ST7L: variants seen among roughly 807,000 people sequenced by gnomAD.
ST7L encodes suppressor of tumorigenicity 7 protein-like.
In ST7L, 57 loss-of-function variants were observed where a neutral mutation model predicts 72.5. The ratio of observed to expected loss-of-function variants is 0.79; its 90% CI spans 0.64 to 0.98. The LOEUF is 0.98. ST7L is among the 50% of genes least tolerant of loss of function. ST7L has a pLI of 0.00. For missense variants in ST7L, 576 were observed against 672.2 expected, an observed-to-expected ratio of 0.86 and a Z score of 1.58; for synonymous variants, 221 against 240.9, an observed-to-expected ratio of 0.92 and a Z score of 0.77.
chr1:112,599,318 C>T (rs1224088820), intron 4 of ST7L, among the ~76,000 whole-genome samples: 1 of 151,814 alleles, frequency 6.6e-6, no homozygotes, highest in Non-Finnish European at 1.5e-5. Context: ...TTTCACTTCA[C>T]AGAATGTCAC....
chr1:112,608,628 A>T (rs1330218136), intron 3 of ST7L, among the ~76,000 whole-genome samples: 1 of 152,162 alleles, frequency 6.6e-6, no homozygotes, highest in Non-Finnish European at 1.5e-5. Flanking sequence ...TGCTATTGTT[A>T]TAATTATTTA....
chr1:112,594,002 A>AT (rs1275730749), intron 5 of ST7L, among the ~76,000 whole-genome samples: 1 of 152,142 alleles, frequency 6.6e-6, no homozygotes, highest in Non-Finnish European at 1.5e-5. Flanking sequence ...CTGGGGTTAG[A>AT]CACACCTCTA....
At position 112,600,943 on chromosome 1, in the gene ST7L, T is replaced by TGCTA. The variant is rs977053298; in HGVS notation, c.452-99_452-96dup. ...TCTACCCACTGTAGGCTAATCACAG[T>TGCTA]GCTAGCCACAGATGGTACAAAGATG... On this transcript the variant is annotated intron_variant, in intron 3 of 14. Transcript: ENST00000358039. 4.9e-6 allele frequency: 5 copies of TGCTA among 1,018,898 alleles called. No individual in the cohort carries two copies. The African/African-American group carries it at 8.2e-5, about 17-fold the overall frequency. The allele number at this position is 1,018,898 out of a possible 1,614,324, so 63.1% of individuals were successfully genotyped here. A position where few individuals can be genotyped will look rare whatever the true frequency, so the allele number is the denominator to read the frequency against.
Position 112,601,683 on chromosome 1 carries a change from C to T in ST7L, c.452-835G>A, listed in dbSNP as rs559286155. On this transcript the variant is annotated intron_variant, in intron 3 of 14. Coordinates refer to ENST00000358039, the MANE Select transcript of ST7L (RefSeq NM_017744.5). Reference sequence around the variant, plus strand: ...AAATGAGAGTAAGCTTGCAAAATGACGAACATCTGCAGCAGAGGAAGTGTC... The same window carrying T: ...AAATGAGAGTAAGCTTGCAAAATGATGAACATCTGCAGCAGAGGAAGTGTC... 7.9e-5 allele frequency among the ~76,000 whole-genome samples: 12 copies of T among 152,038 alleles called. No individual in the cohort carries two copies. The South Asian group carries it at 1.0e-3, about 13-fold the overall frequency.
At chr1:112,553,233 A>AACACACACACACACACACACACACACAC (rs71584746) in intron 12 of ST7L, among the ~76,000 whole-genome samples, 17 of 149,382 alleles carry the variant, frequency 1.1e-4, no homozygotes, top group African/African-American at 4.0e-4. Flanking sequence ...CTTTTCTTTA[A>AACACACACACACACACACACACACACAC]ACACACACAC....
At chr1:112,581,686 G>A (rs949169592) in intron 9 of ST7L, among the ~76,000 whole-genome samples, 1 of 152,144 alleles carries the variant, frequency 6.6e-6, no homozygotes, top group Admixed American at 6.5e-5. Context: ...TGGGATTACA[G>A]GTGTGAGCCA....
chr1:112,535,587 C>T (rs1022795528), intron 14 of ST7L, among the ~76,000 whole-genome samples: 1 of 151,098 alleles, frequency 6.6e-6, no homozygotes, highest in Non-Finnish European at 1.5e-5. Flanking sequence ...TAAAAATTAG[C>T]CTAGCATGGA....
intron 11 of ST7L, among the ~76,000 whole-genome samples, chr1:112,575,766 T>G (rs571044971): frequency 6.6e-6 from 1 of 152,350 alleles, no homozygotes; most frequent in East Asian, 1.9e-4. Flanking sequence ...AACCATGGAA[T>G]GCAAAACCAT....
chr1:112,598,907 A>G (rs1036567447), intron 4 of ST7L, among the ~76,000 whole-genome samples: 12 of 150,332 alleles, frequency 8.0e-5, no homozygotes, highest in Admixed American at 4.6e-4. Context: ...TAAAAATACA[A>G]AAATTAGCCG....
Position 112,617,862 on chromosome 1 carries a change from T to G in ST7L, c.206-967A>C, listed in dbSNP as rs538652943. On this transcript the variant is annotated intron_variant, in intron 1 of 14. Coordinates refer to ENST00000358039, the MANE Select transcript of ST7L (RefSeq NM_017744.5). ...ACAAGTCAATCAGTAACACTGTGCATAGAAACCACCGTTAAGCACTTCATT... is the reference window on the plus strand; with the variant it reads ...ACAAGTCAATCAGTAACACTGTGCAGAGAAACCACCGTTAAGCACTTCATT... 1.8e-5 allele frequency: 9 copies of G among 511,798 alleles called. No homozygotes were observed. The Admixed American group carries it at 2.9e-4, about 16-fold the overall frequency. The allele number at this position is 511,798 out of a possible 1,614,324, so 31.7% of individuals were successfully genotyped here.
chr1:112,547,665 C>A (rs368534096), intron 13 of ST7L, among the ~76,000 whole-genome samples: 152 of 141,992 alleles, frequency 1.1e-3, no homozygotes, highest in African/African-American at 3.7e-3. Context: ...CAGGTTCAAG[C>A]GATTCTCCTG....
At chr1:112,549,985 G>C (rs1453528523) in intron 13 of ST7L, among the ~76,000 whole-genome samples, 1 of 152,082 alleles carries the variant, frequency 6.6e-6, no homozygotes, top group African/African-American at 2.4e-5. Flanking sequence ...AGTTTACTGA[G>C]ATTTTTTCTT....
In ST7L at chr1:112,610,878, C is replaced by T; in HGVS notation, c.414G>A (p.Arg138=). 1 of 1,614,116 alleles carries T rather than the reference C, an allele frequency of 6.2e-7. No individual in the cohort carries two copies. The highest frequency in any genetic ancestry group is 8.5e-7 in the Non-Finnish European group (1 of 1,180,004). ...SSISEPGSPS[R]NRENETSRQN... Reference sequence around the variant, plus strand: ...GTCTGCTGGTTTCATTTTCTCTGTTCCTCGAAGGAGAACCTGGTTCTGAAA... The same window carrying T: ...GTCTGCTGGTTTCATTTTCTCTGTTTCTCGAAGGAGAACCTGGTTCTGAAA... The change falls in exon 3 of 15, where the codon AGG becomes AGA. Residue 138 remains arginine (R), a synonymous_variant. Transcript: ENST00000358039.
chr1:112,589,317 G>A (rs1266673671), intron 6 of ST7L, among the ~76,000 whole-genome samples: 1 of 152,008 alleles, frequency 6.6e-6, no homozygotes, highest in Non-Finnish European at 1.5e-5. Context: ...TCAAACTCCT[G>A]AGCTCAAGTG....
intron 9 of ST7L, 55 bp from the exon 10 acceptor site, chr1:112,578,472 T>A: frequency 6.7e-7 from 1 of 1,488,270 alleles, no homozygotes; most frequent in Non-Finnish European, 9.4e-7. Flanking sequence ...ATTGAGACAA[T>A]TTTTTAATAA....
intron 11 of ST7L, among the ~76,000 whole-genome samples, chr1:112,557,429 T>G (rs150552222): frequency 1.3e-5 from 2 of 152,246 alleles, no homozygotes; most frequent in Non-Finnish European, 2.9e-5. Flanking sequence ...CCTCATTTCT[T>G]CTTATGGCTG....
rs546633429 is a variant in ST7L, at chr1:112,574,442, A to G, written c.1245+2544T>C. Among the ~76,000 whole-genome samples the G allele has an allele frequency of 1.1e-3, 169 of 151,830 alleles. 1 individual carries two copies. The highest frequency in any genetic ancestry group is 3.1e-3 in the African/African-American group (127 of 41,438). On this transcript the variant is annotated intron_variant, in intron 11 of 14. Transcript: ENST00000358039. ...TGGGAGGCCAAGGCGGGCGGATCAC[A>G]AGGTCAGGAGATCGAGACCATCCTG...
rs1329987081 is a variant in ST7L at position 112,524,272 on chromosome 1, T to C, written c.*1741A>G. 6.6e-6 allele frequency: 1 copy of C among 152,576 alleles called. No individual in the cohort carries two copies. Among genetic ancestry groups the C allele is most frequent in the Non-Finnish European group, 1.5e-5 (1 of 68,034 alleles). 9.5% of individuals were successfully genotyped at this position (152,576 alleles called of 1,614,324 possible). ...TTAGGATTTTTTTTTCCTCAGTCTT[T>C]CTGAGGTTTTTATTTAAATGCACTC... is the stretch of plus-strand genomic sequence containing the variant. On this transcript the variant is annotated 3_prime_UTR_variant, in exon 15 of 15. Coordinates refer to ENST00000358039, the MANE Select transcript of ST7L (RefSeq NM_017744.5).
downstream of ST7L, among the ~76,000 whole-genome samples, chr1:112,519,806 TCA>T (rs1440421843): frequency 6.6e-6 from 1 of 151,408 alleles, no homozygotes; most frequent in Non-Finnish European, 1.5e-5. Flanking sequence ...TTTGACTAAA[TCA>T]CACAACTAAG....
Sources: allele counts gnomAD v4.1 joint callset (sites outside exome capture counted in the v4.1 genomes callset), GRCh38; gene constraint gnomAD v4.1.1; transcripts MANE v1.5; gene names NCBI Gene and HGNC (gene_info 2026-07-23, HGNC 2026-07-21).